The following MYH14 variants were observed in gnomAD, a reference collection of about 807,000 sequenced individuals.
MYH14 encodes myosin heavy chain 14.
A neutral mutation model predicts 255.5 loss-of-function variants in MYH14; 123 were observed. That is an observed-to-expected ratio of 0.48 (90% CI 0.42 to 0.56). The LOEUF is 0.56. MYH14 is among the 20% of genes least tolerant of loss of function. MYH14 has a pLI of 0.00. For synonymous variants in MYH14, 1,095 were observed against 1,161.2 expected, an observed-to-expected ratio of 0.94 and a Z score of 1.16; for missense variants, 2,423 against 2,802.3, an observed-to-expected ratio of 0.86 and a Z score of 3.06.
intron 10 of MYH14, among the ~76,000 whole-genome samples, chr19:50,240,797 A>T (rs771231877): frequency 1.1e-4 from 16 of 151,532 alleles, no homozygotes; most frequent in South Asian, 2.1e-4. Context: ...TAAAATAAAA[A>T]AATAAAAACA....
intron 1 of MYH14, 28 bp from the exon 2 acceptor site, chr19:50,210,334 AC>A: frequency 6.4e-7 from 1 of 1,553,244 alleles, no homozygotes; most frequent in Non-Finnish European, 8.7e-7. Flanking sequence ...GCCCCATCTG[AC>A]CCCCACCCTC....
chr19:50,251,504 CATATATATA>C (rs374458619), intron 15 of MYH14, among the ~76,000 whole-genome samples: 9 of 123,102 alleles, frequency 7.3e-5, no homozygotes, highest in South Asian at 2.9e-4. Context: ...TATATACACA[CATATATATA>C]TACACACTAC....
chr19:50,259,164 G>C lies in MYH14; in HGVS notation c.2253G>C (p.Arg751=). The C allele has an allele frequency of 6.4e-7, 1 of 1,559,474 alleles. No homozygotes were observed. The highest frequency in any genetic ancestry group is 8.7e-7 in the Non-Finnish European group (1 of 1,151,424). The change falls in exon 19 of 43, where the codon CGG becomes CGC. Residue 751 remains arginine, a synonymous_variant. Coordinates refer to ENST00000642316, the MANE Select transcript of MYH14 (RefSeq NM_001145809.2). ...HEKRAGKLEP[R]LVLDQLRCNG... ...CCCAGGCCGGGAAGCTGGAGCCACGGCTGGTGCTGGACCAGCTTCGCTGCA... is the reference window on the plus strand; with the variant it reads ...CCCAGGCCGGGAAGCTGGAGCCACGCCTGGTGCTGGACCAGCTTCGCTGCA...
At chr19:50,278,363 T>G (rs925921023) in intron 30 of MYH14, 74 bp downstream of exon 30, 2 of 1,142,018 alleles carry the variant, frequency 1.8e-6, no homozygotes, top group Non-Finnish European at 2.4e-6. Flanking sequence ...TGGGCTTCTA[T>G]TTGGTCCATA....
At position 50,221,409 on chromosome 19, in the gene MYH14, A is replaced by T. The variant is rs1234260477; in HGVS notation, c.563-1674A>T. Among the ~76,000 whole-genome samples the T allele has an allele frequency of 6.6e-6, 1 of 152,094 alleles. No homozygotes were observed. The highest frequency in any genetic ancestry group is 1.5e-5 in the Non-Finnish European group (1 of 68,008). ...TGGACGCAGCTTACTCCCTGGCTTG[A>T]AGACACCCAGAGGATGCCTGTCCTG... On this transcript the variant is annotated intron_variant, in intron 3 of 42. Transcript: ENST00000642316. This position sits in a 1 kb window ranked among gnomAD's most constrained non-coding sequence, Gnocchi z 5.3.
chr19:50,261,537 G>A lies in MYH14; in HGVS notation c.2487G>A (p.Arg829=), dbSNP rs746813925. Reference sequence around the variant, plus strand: ...TGGGACAGAGCAAGATCTTCTTCCGGGCTGGGGTCCTGGCCCAGCTGGAAG... The same window carrying A: ...TGGGACAGAGCAAGATCTTCTTCCGAGCTGGGGTCCTGGCCCAGCTGGAAG... The part of the protein sequence containing the change: ...YRVGQSKIFF[R]AGVLAQLEEE... The change falls in exon 21 of 43, where the codon CGG becomes CGA. Residue 829 remains arginine, a synonymous_variant. Coordinates refer to ENST00000642316, the MANE Select transcript of MYH14 (RefSeq NM_001145809.2). The A allele has an allele frequency of 5.6e-6, 9 of 1,594,794 alleles. No individual in the cohort carries two copies. In the African/African-American group the frequency reaches 1.3e-4, roughly 23 times the overall value.
intron 16 of MYH14, among the ~76,000 whole-genome samples, chr19:50,254,814 A>G (rs1168421285): frequency 2.6e-5 from 4 of 152,202 alleles, no homozygotes; most frequent in Non-Finnish European, 1.5e-5. Flanking sequence ...AGCCCAGGGA[A>G]AAACGGAAAT....
rs781407992 is a variant in MYH14, at chr19:50,288,848, G to GT, written c.4753-586dup. Among the ~76,000 whole-genome samples, 75 of 152,310 alleles carry GT rather than the reference G, an allele frequency of 4.9e-4. 1 individual carries two copies. The highest frequency in any genetic ancestry group is 3.4e-3 in the Middle Eastern group (1 of 294). On this transcript the variant is annotated intron_variant, in intron 34 of 42. Coordinates refer to ENST00000642316, the MANE Select transcript of MYH14 (RefSeq NM_001145809.2). ...GAGAGGCTTCCTTGAGGAGGTGACA[G>GT]TTAAGTAAGGAGAGGGGTGAAGGGG... is the stretch of plus-strand genomic sequence containing the variant.
intron 30 of MYH14, 120 bp from the exon 31 acceptor site, chr19:50,279,917 T>C: frequency 2.5e-6 from 2 of 790,012 alleles, no homozygotes; most frequent in Admixed American, 2.0e-5. Context: ...TCTGCCAGAC[T>C]GTTTTCCACG....
intron 41 of MYH14, 143 bp from the exon 42 acceptor site, chr19:50,308,857 GAGAAA>G: frequency 1.3e-6 from 1 of 787,316 alleles, no homozygotes; most frequent in South Asian, 1.9e-5. Context: ...AGGGATTTAG[GAGAAA>G]AGAACAAGGC....
intron 39 of MYH14, among the ~76,000 whole-genome samples, chr19:50,300,525 G>C (rs2036444173): frequency 6.6e-6 from 1 of 152,112 alleles, no homozygotes; most frequent in South Asian, 2.1e-4. Context: ...GAGGTGGGTG[G>C]ATCACTTGAG....
At chr19:50,222,033 T>C (rs1239255721) in intron 3 of MYH14, among the ~76,000 whole-genome samples, 2 of 152,148 alleles carry the variant, frequency 1.3e-5, no homozygotes, top group Non-Finnish European at 2.9e-5. Flanking sequence ...TGGGAGGCTG[T>C]CCTGGTCATT....
chr19:50,275,055 G>A (rs924264103), intron 27 of MYH14, among the ~76,000 whole-genome samples: 4 of 152,100 alleles, frequency 2.6e-5, no homozygotes, highest in African/African-American at 9.7e-5. Context: ...ACAACATGTG[G>A]CCTTTTGTGC....
rs765377627 is a variant in MYH14 at position 50,249,670 on chromosome 19, C to G, written c.1503C>G (p.Leu501=). 6.2e-7 allele frequency: 1 copy of G among 1,614,126 alleles called. No homozygotes were observed. Among genetic ancestry groups the G allele is most frequent in the African/African-American group, 1.3e-5 (1 of 74,952 alleles). ...TGCAGCTGAACTCCTTCGAGCAGCT[C>G]TGCATCAACTACACCAACGAGAAGC... The part of the protein sequence containing the change: ...EIFQLNSFEQ[L]CINYTNEKLQ... Residue 501 remains leucine (L), a synonymous_variant, in exon 14 of 43, where the codon CTC becomes CTG. Transcript: ENST00000642316.
intron 7 of MYH14, among the ~76,000 whole-genome samples, chr19:50,226,548 G>A (rs1482865476): frequency 6.6e-6 from 1 of 151,284 alleles, no homozygotes; most frequent in African/African-American, 2.4e-5. Flanking sequence ...AGATCCCTGG[G>A]TCTGAAGGAG....
chr19:50,261,482 C>T lies in MYH14; in HGVS notation c.2432C>T (p.Ala811Val), dbSNP rs201337011. Reference protein sequence around the residue: ...GKQACEKMIQALELDPNLYRV... With the variant: ...GKQACEKMIQVLELDPNLYRV... ...CTCTCCCACCCCTCACAGATCCAGG[C>T]GCTGGAACTGGACCCCAACCTCTAC... The change falls in exon 21 of 43, where the codon GCG becomes GTG. Residue 811 changes from alanine to valine, a missense_variant. Coordinates refer to ENST00000642316, the MANE Select transcript of MYH14 (RefSeq NM_001145809.2). The T allele has an allele frequency of 2.0e-4, 301 of 1,474,278 alleles. 3 individuals carry two copies. In the African/African-American group the frequency reaches 5.0e-3, roughly 24 times the overall value. The allele number at this position is 1,474,278 out of a possible 1,614,324, so 91.3% of individuals were successfully genotyped here.
intron 20 of MYH14, 55 bp downstream of exon 20, chr19:50,260,770 A>AGTGTGCGTGCATGT: frequency 4.8e-6 from 6 of 1,253,638 alleles, no homozygotes; most frequent in Non-Finnish European, 5.6e-6. Context: ...TGCGTGCATG[A>AGTGTGCGTGCATGT]GTGTGCGTGC....
intron 39 of MYH14, among the ~76,000 whole-genome samples, chr19:50,298,525 G>A (rs1202908692): frequency 6.6e-6 from 1 of 151,982 alleles, no homozygotes; most frequent in Non-Finnish European, 1.5e-5. Context: ...CAGCACTCTG[G>A]GAGGCCGAGG....
chr19:50,273,599 GGGGTGTGTGTGTGTGTGTGT>G (rs894844661), intron 27 of MYH14, among the ~76,000 whole-genome samples: 1 of 82,278 alleles, frequency 1.2e-5, no homozygotes, highest in Non-Finnish European at 2.7e-5. Context: ...TGGAACATGG[GGGGTGTGTGTGTGTGTGTGT>G]GTGTGTGTGT....
Sources: allele counts gnomAD v4.1 joint callset (sites outside exome capture counted in the v4.1 genomes callset), GRCh38; gene constraint gnomAD v4.1.1; non-coding constraint Gnocchi (gnomAD v3.1); transcripts MANE v1.5; gene names NCBI Gene and HGNC (gene_info 2026-07-23, HGNC 2026-07-21).